The following ANGPT1 variants were observed in gnomAD, a reference collection of about 807,000 sequenced individuals.
The protein encoded by ANGPT1 is angiopoietin-1.
Under a neutral mutation model 62.2 loss-of-function variants are expected in ANGPT1, and 17 were observed. The ratio of observed to expected loss-of-function variants is 0.27; its 90% CI spans 0.19 to 0.41. The LOEUF is 0.41. Among genes scored for constraint, ANGPT1 ranks in the 10% least tolerant of loss-of-function variants. ANGPT1 has a pLI of 1.00. For synonymous variants in ANGPT1, 199 were observed against 198.9 expected (o/e 1.00, Z 0.00); for missense variants, 478 against 594.9 (o/e 0.80, Z 2.04).
intron 6 of ANGPT1, among the ~76,000 whole-genome samples, chr8:107,292,515 G>C (rs1814302970): frequency 6.6e-6 from 1 of 152,052 alleles, no homozygotes; most frequent in Non-Finnish European, 1.5e-5. Context: ...TTTTCTCAGA[G>C]TTAATTTAGG....
At chr8:107,395,609 T>G (rs1816919906) in intron 1 of ANGPT1, among the ~76,000 whole-genome samples, 1 of 152,180 alleles carries the variant, frequency 6.6e-6, no homozygotes, top group Non-Finnish European at 1.5e-5. Flanking sequence ...ATATTTCACT[T>G]TGGCCTGAAC....
intron 1 of ANGPT1, among the ~76,000 whole-genome samples, chr8:107,453,551 A>G (rs184276458): frequency 6.6e-6 from 1 of 152,094 alleles, no homozygotes; most frequent in African/African-American, 2.4e-5. Context: ...CAGCATGGGA[A>G]AGCCCTGCCC....
chr8:107,367,352 A>T (rs2916080), intron 1 of ANGPT1, among the ~76,000 whole-genome samples: 113,388 of 152,114 alleles, frequency 0.75, 43,124 homozygotes, highest in East Asian at 0.87. Flanking sequence ...GGTGAAGATC[A>T]ACTGAGACTT....
intron 2 of ANGPT1, among the ~76,000 whole-genome samples, chr8:107,342,333 T>C (rs906820779): frequency 1.3e-4 from 20 of 152,186 alleles, no homozygotes; most frequent in Non-Finnish European, 2.5e-4. Flanking sequence ...ACCAGTCCTG[T>C]TCTAAATCCT....
intron 1 of ANGPT1, among the ~76,000 whole-genome samples, chr8:107,403,737 C>G (rs1817092098): frequency 6.6e-6 from 1 of 151,980 alleles, no homozygotes; most frequent in Non-Finnish European, 1.5e-5. Context: ...AATAGGGATC[C>G]TTTCCATTTT....
chr8:107,404,646 C>T (rs557551270), intron 1 of ANGPT1, among the ~76,000 whole-genome samples: 1 of 152,160 alleles, frequency 6.6e-6, no homozygotes. Context: ...ATAAAAGATA[C>T]TGCAATGAAC....
intron 6 of ANGPT1, among the ~76,000 whole-genome samples, chr8:107,287,969 C>T (rs947437816): frequency 3.3e-5 from 5 of 152,090 alleles, no homozygotes; most frequent in East Asian, 3.9e-4. Context: ...TCATAATACA[C>T]AGTAATTTTC....
intron 5 of ANGPT1, among the ~76,000 whole-genome samples, chr8:107,297,252 C>A (rs1252070769): frequency 6.6e-6 from 1 of 151,980 alleles, no homozygotes; most frequent in South Asian, 2.1e-4. Context: ...TCAATGATAA[C>A]AGCTGCTCTT....
chr8:107,487,631 C>T (rs1812848662), intron 1 of ANGPT1, among the ~76,000 whole-genome samples: 1 of 152,052 alleles, frequency 6.6e-6, no homozygotes, highest in Non-Finnish European at 1.5e-5. Flanking sequence ...CCTCTTTCAG[C>T]ACATTATGAT....
intron 1 of ANGPT1, among the ~76,000 whole-genome samples, chr8:107,380,359 TTGTGTGTG>T (rs71308731): frequency 5.7e-4 from 85 of 148,786 alleles, no homozygotes; most frequent in South Asian, 1.1e-3. Flanking sequence ...TGCAGGATGT[TTGTGTGTG>T]TGTGTGTGTG....
At chr8:107,271,821 T>C (rs1399237852) in intron 7 of ANGPT1, among the ~76,000 whole-genome samples, 1 of 151,842 alleles carries the variant, frequency 6.6e-6, no homozygotes, top group Non-Finnish European at 1.5e-5. Flanking sequence ...CCTACAATTT[T>C]CTTGCCATCA....
At position 107,258,786 on chromosome 8, in the gene ANGPT1, C is replaced by G. The variant is rs1236255575; in HGVS notation, c.1336+5435G>C. ...TAGTTTCAGTCTTTGATAGTCATCT[C>G]TTTGTTCCATGCTGGTGCATATAAA... is the stretch of plus-strand genomic sequence containing the variant. On this transcript the variant is annotated intron_variant, in intron 8 of 8. Transcript: ENST00000517746. 2.0e-5 allele frequency among the ~76,000 whole-genome samples: 3 copies of G among 152,146 alleles called. No homozygotes were observed. The East Asian group carries it at 5.8e-4, about 29-fold the overall frequency.
At chr8:107,347,950 G>A (rs149020261) in intron 1 of ANGPT1, among the ~76,000 whole-genome samples, 1,700 of 152,244 alleles carry the variant, frequency 0.011, 18 homozygotes, top group Middle Eastern at 0.02. Flanking sequence ...TTAGGTACCT[G>A]GGAAAATAAA....
chr8:107,302,682 A>G (rs1440792739), intron 5 of ANGPT1, among the ~76,000 whole-genome samples: 1 of 151,916 alleles, frequency 6.6e-6, no homozygotes, highest in Admixed American at 6.6e-5. Flanking sequence ...GCTTACTCCA[A>G]AGTTTACCTT....
chr8:107,285,724 C>G (rs969974371), intron 6 of ANGPT1, among the ~76,000 whole-genome samples: 1 of 151,956 alleles, frequency 6.6e-6, no homozygotes, highest in African/African-American at 2.4e-5. Context: ...AAAGAAAGAA[C>G]CCCTAGAAAC....
At chr8:107,338,659 C>T (rs1381933861) in intron 2 of ANGPT1, among the ~76,000 whole-genome samples, 2 of 152,098 alleles carry the variant, frequency 1.3e-5, no homozygotes, top group Non-Finnish European at 2.9e-5. Context: ...TATTTCATTT[C>T]AAAACAAACA....
intron 1 of ANGPT1, among the ~76,000 whole-genome samples, chr8:107,363,607 T>G (rs547677065): frequency 6.6e-6 from 1 of 152,292 alleles, no homozygotes; most frequent in African/African-American, 2.4e-5. Flanking sequence ...AAGCGAAGAA[T>G]AATGCATCTG....
At chr8:107,276,507 C>T (rs1388679558) in intron 7 of ANGPT1, among the ~76,000 whole-genome samples, 1 of 151,864 alleles carries the variant, frequency 6.6e-6, no homozygotes, top group Admixed American at 6.6e-5. Flanking sequence ...ACAAGTTTTG[C>T]AATATCTACA....
chr8:107,491,202 T>C (rs1812944900), intron 1 of ANGPT1, among the ~76,000 whole-genome samples: 1 of 151,974 alleles, frequency 6.6e-6, no homozygotes, highest in African/African-American at 2.4e-5. Context: ...AGGTGCATCA[T>C]GTACCTCATA....
Sources: allele counts gnomAD v4.1 joint callset (sites outside exome capture counted in the v4.1 genomes callset), GRCh38; gene constraint gnomAD v4.1.1; transcripts MANE v1.5; gene names NCBI Gene and HGNC (gene_info 2026-07-23, HGNC 2026-07-21).